Variants in AAMDC observed in about 807,000 individuals in gnomAD.
AAMDC encodes the protein mth938 domain-containing protein.
AAMDC carries 16 observed loss-of-function variants against 15.5 expected under a neutral mutation model. That is an observed-to-expected ratio of 1.03 (90% CI 0.70 to 1.57). AAMDC has a LOEUF of 1.57. Ranked by LOEUF, AAMDC falls within the 40% of genes most tolerant of loss-of-function variation. AAMDC has a pLI of 0.00. For missense variants in AAMDC, 141 were observed against 144.9 expected (o/e 0.97, Z 0.14); for synonymous variants, 51 against 51.6 (o/e 0.99, Z 0.05).
chr11:77,827,822 A>G (rs187596028), intron 1 of AAMDC, among the ~76,000 whole-genome samples: 2 of 152,356 alleles, frequency 1.3e-5, no homozygotes, highest in African/African-American at 4.8e-5. Context: ...TGGAAGAAGT[A>G]AAACAAGCTC....
At chr11:77,882,907 C>A (rs907662265) in intron 5 of AAMDC, among the ~76,000 whole-genome samples, 11 of 152,034 alleles carry the variant, frequency 7.2e-5, no homozygotes, top group Admixed American at 2.0e-4. Context: ...CCTGTCTCTA[C>A]TAAAATACAA....
rs1270315153 is a variant in AAMDC, at chr11:77,878,796, A to T, written c.328+1747A>T. ...AGGTTTTTTATTTTTTAATGAAGAA[A>T]CAATTTATCCTGTGTTTGATACCAG... On this transcript the variant is annotated intron_variant, in intron 5 of 5. Transcript: ENST00000304716. The T allele has an allele frequency of 5.5e-6, 4 of 732,780 alleles. No homozygotes were observed. The South Asian group carries it at 6.0e-5, about 11-fold the overall frequency. The allele number at this position is 732,780 out of a possible 1,614,324, so 45.4% of individuals were successfully genotyped here. A position where few individuals can be genotyped will look rare whatever the true frequency, so the allele number is the denominator to read the frequency against.
At chr11:77,843,438 C>G (rs1179415099) in intron 2 of AAMDC, among the ~76,000 whole-genome samples, 1 of 152,110 alleles carries the variant, frequency 6.6e-6, no homozygotes, top group Non-Finnish European at 1.5e-5. Flanking sequence ...CCTGCTCCTC[C>G]TGGGAAGGAA....
chr11:77,869,989 T>G, intron 3 of AAMDC, 172 bp downstream of exon 3: 1 of 536,922 alleles, frequency 1.9e-6, no homozygotes, highest in Non-Finnish European at 3.4e-6. Context: ...CGTTGGGCTC[T>G]CCAGTCTACC....
At chr11:77,873,379 T>G (rs1446266410), downstream of AAMDC, among the ~76,000 whole-genome samples, 6 of 152,248 alleles carry the variant, frequency 3.9e-5, no homozygotes. Context: ...TTTCTATTAA[T>G]GGGGATACTG....
chr11:77,874,748 A>G (rs1951551568), downstream of AAMDC, among the ~76,000 whole-genome samples: 1 of 152,102 alleles, frequency 6.6e-6, no homozygotes, highest in African/African-American at 2.4e-5. Flanking sequence ...GGTTAAGACA[A>G]GAAGTTGGCC....
chr11:77,823,105 C>G (rs1037420766), intron 1 of AAMDC, among the ~76,000 whole-genome samples: 1 of 150,472 alleles, frequency 6.6e-6, no homozygotes, highest in Non-Finnish European at 1.5e-5. Flanking sequence ...TAGACAGCTA[C>G]TCGGGAGGCT....
intron 2 of AAMDC, among the ~76,000 whole-genome samples, chr11:77,860,030 A>G (rs1380027411): frequency 6.6e-6 from 1 of 152,204 alleles, no homozygotes. Flanking sequence ...AATGAGGCCA[A>G]CCCTTTGCCA....
intron 1 of AAMDC, among the ~76,000 whole-genome samples, chr11:77,834,646 C>T (rs904260742): frequency 2.0e-5 from 3 of 151,930 alleles, no homozygotes; most frequent in African/African-American, 7.3e-5. Flanking sequence ...AACTCCTGAC[C>T]TCAGGTGATC....
intron 2 of AAMDC, among the ~76,000 whole-genome samples, chr11:77,862,300 G>A (rs564363820): frequency 6.6e-6 from 1 of 152,262 alleles, no homozygotes; most frequent in South Asian, 2.1e-4. Flanking sequence ...CTCTCATTTG[G>A]CGTTAGTGTC....
intron 2 of AAMDC, among the ~76,000 whole-genome samples, chr11:77,852,870 G>A (rs1170016445): frequency 6.6e-6 from 1 of 152,008 alleles, no homozygotes; most frequent in Non-Finnish European, 1.5e-5. Flanking sequence ...ATAGAGATAT[G>A]TCTTTTTCTT....
downstream of AAMDC, among the ~76,000 whole-genome samples, chr11:77,904,955 A>G (rs1952897716): frequency 6.6e-6 from 1 of 152,150 alleles, no homozygotes. Flanking sequence ...GGACTTGTGG[A>G]CCTAATTTTA....
intron 1 of AAMDC, among the ~76,000 whole-genome samples, chr11:77,830,918 ATTGC>A (rs1010551305): frequency 2.7e-5 from 4 of 148,742 alleles, no homozygotes; most frequent in Admixed American, 1.4e-4. Context: ...AGGTGGGAGA[ATTGC>A]TTGAGTCCAG....
downstream of AAMDC, among the ~76,000 whole-genome samples, chr11:77,874,587 G>A (rs1951547474): frequency 6.6e-6 from 1 of 152,130 alleles, no homozygotes; most frequent in East Asian, 1.9e-4. Flanking sequence ...GGTGCACATG[G>A]TTAACGATGG....
downstream of AAMDC, among the ~76,000 whole-genome samples, chr11:77,876,364 T>G (rs577361530): frequency 6.6e-6 from 1 of 151,866 alleles, no homozygotes; most frequent in Non-Finnish European, 1.5e-5. Context: ...CACACTGGAG[T>G]GCTCTTTATG....
intron 5 of AAMDC, among the ~76,000 whole-genome samples, chr11:77,890,796 G>A (rs1371940578): frequency 6.6e-6 from 1 of 152,236 alleles, no homozygotes; most frequent in Non-Finnish European, 1.5e-5. Flanking sequence ...AGTACTCTTT[G>A]TGGGGCTTAA....
At chr11:77,883,706 A>T in intron 5 of AAMDC, 2 of 1,024,782 alleles carry the variant, frequency 2.0e-6, no homozygotes, top group Non-Finnish European at 2.8e-6. Flanking sequence ...TAAACTCATT[A>T]AGTTCAATTC....
intron 3 of AAMDC, among the ~76,000 whole-genome samples, chr11:77,871,211 T>C (rs1363358427): frequency 6.6e-6 from 1 of 152,208 alleles, no homozygotes; most frequent in Non-Finnish European, 1.5e-5. Context: ...ATAGGGCATA[T>C]TAAAAAATAT....
intron 2 of AAMDC, chr11:77,866,417 T>C (rs1319389538): frequency 1.3e-5 from 2 of 152,220 alleles, no homozygotes; most frequent in African/African-American, 4.8e-5. Flanking sequence ...GAATTGCTAG[T>C]GGCAGGTTGA....
Sources: allele counts gnomAD v4.1 joint callset (sites outside exome capture counted in the v4.1 genomes callset), GRCh38; gene constraint gnomAD v4.1.1; transcripts MANE v1.5; gene names NCBI Gene and HGNC (gene_info 2026-07-23, HGNC 2026-07-21).